CSMD3: variants seen among roughly 807,000 people sequenced by gnomAD.
The protein encoded by CSMD3 is CUB and sushi domain-containing protein 3.
CSMD3 carries 177 observed loss-of-function variants against 435.2 expected under a neutral mutation model. The ratio of observed to expected loss-of-function variants is 0.41; its 90% CI spans 0.36 to 0.46. The LOEUF (loss-of-function observed/expected upper bound fraction) is 0.46, where lower values mean the gene tolerates loss of function less well. Ranked by LOEUF, CSMD3 falls within the 20% of genes least tolerant of loss-of-function variation. The pLI is 0.34. For synonymous variants in CSMD3, 1,656 were observed against 1,520.5 expected (o/e 1.09, Z -2.07); for missense variants, 4,265 against 4,504.6 (o/e 0.95, Z 1.52).
chr8:112,356,366 T>C (rs1307953632), intron 38 of CSMD3, among the ~76,000 whole-genome samples: 1 of 152,142 alleles, frequency 6.6e-6, no homozygotes, highest in Non-Finnish European at 1.5e-5. Context: ...GGAATGTGGA[T>C]ACAGCTGGAG....
At chr8:112,550,582 T>G (rs1216527555) in intron 27 of CSMD3, 89 bp downstream of exon 27, 2 of 701,334 alleles carry the variant, frequency 2.9e-6, no homozygotes, top group Non-Finnish European at 4.9e-6. Context: ...ATTAAAATTT[T>G]AAAATTAAAA....
chr8:113,119,807 C>T (rs566813510), intron 4 of CSMD3, among the ~76,000 whole-genome samples: 1 of 152,050 alleles, frequency 6.6e-6, no homozygotes, highest in Non-Finnish European at 1.5e-5. Context: ...GCAAAACACA[C>T]ATTAAATTTT....
At chr8:112,533,760 C>T (rs1825771489) in intron 27 of CSMD3, among the ~76,000 whole-genome samples, 1 of 152,024 alleles carries the variant, frequency 6.6e-6, no homozygotes, top group African/African-American at 2.4e-5. Context: ...CTACACTGCA[C>T]ACCAAATGGA....
chr8:112,864,242 TTTG>T (rs145869978), intron 10 of CSMD3, among the ~76,000 whole-genome samples: 20,786 of 151,712 alleles, frequency 0.14, 1,672 homozygotes, highest in Middle Eastern at 0.3. Flanking sequence ...TTGTTTTTGT[TTTG>T]TTGTTGTTGT....
intron 13 of CSMD3, among the ~76,000 whole-genome samples, chr8:112,721,063 A>G (rs2131968022): frequency 6.6e-6 from 1 of 152,246 alleles, no homozygotes; most frequent in South Asian, 2.1e-4. Flanking sequence ...GTGTCCATAT[A>G]TATGGTTAAA....
chr8:113,040,158 G>A (rs1004403482), intron 5 of CSMD3, among the ~76,000 whole-genome samples: 3 of 152,138 alleles, frequency 2.0e-5, no homozygotes, highest in African/African-American at 7.2e-5. Context: ...AAGTGAAGAC[G>A]TAAGCCATGT....
chr8:112,606,465 C>A (rs1408240851), intron 22 of CSMD3, among the ~76,000 whole-genome samples: 1 of 152,152 alleles, frequency 6.6e-6, no homozygotes, highest in Non-Finnish European at 1.5e-5. Context: ...GTATGGGATG[C>A]TTTGCCTCCA....
intron 56 of CSMD3, among the ~76,000 whole-genome samples, chr8:112,290,854 T>G (rs1312483980): frequency 3.9e-5 from 6 of 152,042 alleles, no homozygotes; most frequent in Non-Finnish European, 8.8e-5. Flanking sequence ...CTAGAATTTA[T>G]GTTCACTCCT....
chr8:112,684,271 CAT>C (rs777569583), intron 15 of CSMD3, among the ~76,000 whole-genome samples: 17 of 152,118 alleles, frequency 1.1e-4, no homozygotes, highest in South Asian at 4.1e-4. Context: ...TTCTATGACA[CAT>C]GTCACCGCTA....
At chr8:112,760,845 A>C (rs1305403739) in intron 13 of CSMD3, among the ~76,000 whole-genome samples, 4 of 152,124 alleles carry the variant, frequency 2.6e-5, no homozygotes, top group Non-Finnish European at 5.9e-5. Flanking sequence ...TTCTAGTTCA[A>C]ATGCATTCTG....
intron 10 of CSMD3, among the ~76,000 whole-genome samples, chr8:112,898,395 C>T (rs1257733629): frequency 2.6e-5 from 4 of 151,206 alleles, no homozygotes; most frequent in African/African-American, 4.8e-5. Flanking sequence ...TTTGTATTCA[C>T]GGTTCTCAAG....
chr8:113,285,403 G>C (rs2093639346), intron 2 of CSMD3, among the ~76,000 whole-genome samples: 1 of 151,962 alleles, frequency 6.6e-6, no homozygotes, highest in Non-Finnish European at 1.5e-5. Context: ...TGGGACTACA[G>C]GCGCCCGCCA....
chr8:112,955,835 T>TA lies in CSMD3; in HGVS notation c.1343-1075dup, dbSNP rs1440165071. 3.3e-5 allele frequency among the ~76,000 whole-genome samples: 5 copies of TA among 151,648 alleles called. No homozygotes were observed. The South Asian group carries it at 6.2e-4, about 19-fold the overall frequency. ...TTAGGTTTTCTTCATGCTATAAATT[T>TA]AAAAAAAAGCAAAAATGATTTTTTG... On this transcript the variant is annotated intron_variant, in intron 7 of 70. Transcript: ENST00000297405.
chr8:113,107,509 C>A (rs144446741), intron 4 of CSMD3, among the ~76,000 whole-genome samples: 3 of 152,298 alleles, frequency 2.0e-5, no homozygotes, highest in African/African-American at 7.2e-5. Context: ...CTGTAGTTGA[C>A]CCTGCAGAAC....
intron 13 of CSMD3, among the ~76,000 whole-genome samples, chr8:112,762,204 G>C (rs936180749): frequency 7.2e-5 from 11 of 151,912 alleles, no homozygotes; most frequent in Non-Finnish European, 1.5e-4. Context: ...TTTTAATTAT[G>C]AGAACGAGGC....
intron 10 of CSMD3, among the ~76,000 whole-genome samples, chr8:112,894,526 TTAAG>T (rs1166945317): frequency 6.6e-6 from 1 of 151,402 alleles, no homozygotes; most frequent in Non-Finnish European, 1.5e-5. Context: ...ACTTATATGT[TTAAG>T]TCTCATCTCA....
intron 2 of CSMD3, among the ~76,000 whole-genome samples, chr8:113,282,132 A>T (rs1425649553): frequency 2.0e-5 from 3 of 152,002 alleles, no homozygotes; most frequent in Non-Finnish European, 2.9e-5. Context: ...CTGAATGGGG[A>T]AAAGTTGAAA....
intron 9 of CSMD3, among the ~76,000 whole-genome samples, chr8:112,943,466 C>G (rs763025019): frequency 4.0e-5 from 6 of 151,620 alleles, no homozygotes; most frequent in Non-Finnish European, 8.9e-5. Flanking sequence ...ACTGGTAATT[C>G]TATCCAAAAA....
intron 9 of CSMD3, among the ~76,000 whole-genome samples, chr8:112,938,445 T>C (rs753098177): frequency 2.0e-5 from 3 of 152,162 alleles, no homozygotes; most frequent in Non-Finnish European, 4.4e-5. Context: ...CAAGAGAGCA[T>C]TGATAAAAGT....
Sources: allele counts gnomAD v4.1 joint callset (sites outside exome capture counted in the v4.1 genomes callset), GRCh38; gene constraint gnomAD v4.1.1; transcripts MANE v1.5; gene names NCBI Gene and HGNC (gene_info 2026-07-23, HGNC 2026-07-21).